RGS4: variants seen among roughly 807,000 people sequenced by gnomAD.
The protein encoded by RGS4 is regulator of G protein signaling 4, also known as schizophrenia disorder 9.
A neutral mutation model predicts 21.6 loss-of-function variants in RGS4; 15 were observed. The ratio of observed to expected loss-of-function variants is 0.69; its 90% confidence interval spans 0.46 to 1.07. The LOEUF (loss-of-function observed/expected upper bound fraction) is 1.07, where lower values mean the gene tolerates loss of function less well. Ranked by LOEUF, RGS4 falls within the 50% of genes least tolerant of loss-of-function variation. The probability of loss-of-function intolerance (pLI) is 0.00; values close to 1 mark genes in which losing one functional copy is unlikely to be tolerated. For missense variants in RGS4, 237 were observed against 239.0 expected, an observed-to-expected ratio of 0.99 and a Z score of 0.06; for synonymous variants, 94 against 85.5, an observed-to-expected ratio of 1.10 and a Z score of -0.55.
intron 1 of RGS4, chr1:163,072,173 G>T: frequency 1.8e-6 from 2 of 1,094,772 alleles, no homozygotes; most frequent in Non-Finnish European, 2.4e-6. Context: ...TTCCAGTTGT[G>T]GATGAAGGAA....
In RGS4 at chr1:163,073,692, T is replaced by C. The variant is rs924656138; in HGVS notation, c.378+70T>C. The C allele has an allele frequency of 7.1e-6, 7 of 990,848 alleles. No homozygotes were observed. In the African/African-American group the frequency reaches 8.3e-5, roughly 12 times the overall value. 61.4% of individuals were successfully genotyped at this position (990,848 alleles called of 1,614,324 possible). A position where few individuals can be genotyped will look rare whatever the true frequency, so the allele number is the denominator to read the frequency against. On this transcript the variant is annotated intron_variant, in intron 4 of 4. Coordinates refer to ENST00000367909, the MANE Select transcript of RGS4 (RefSeq NM_005613.6). ...TATGTGTGATATTTTGATACATGCA[T>C]ACAATGTGATAACAATCAAATCAGG... is the stretch of plus-strand genomic sequence containing the variant.
At chr1:163,073,853 A>C in intron 4 of RGS4, 1 of 449,306 alleles carries the variant, frequency 2.2e-6, no homozygotes, top group Non-Finnish European at 3.9e-6. Flanking sequence ...ATCAAACACT[A>C]GAACCTATTC....
At position 163,069,504 on chromosome 1, in the gene RGS4, G is replaced by A; in HGVS notation, c.20G>A (p.Gly7Asp). Residue 7 changes from glycine (G) to aspartate (D), a missense_variant, in exon 1 of 5, where the codon GGT becomes GAT. By Grantham distance (94) the Gly-to-Asp change is moderately conservative (BLOSUM62 -1). Coordinates refer to ENST00000367909, the MANE Select transcript of RGS4 (RefSeq NM_005613.6). MCKGLA[G>D]LPASCLRSAK... is the part of the protein sequence containing the mutation. The stretch of plus-strand genomic sequence containing the variant: ...AATAAGATGTGCAAAGGGCTTGCAG[G>A]TCTGCCGGCTTCTTGCTTGAGGAGG... 1 of 1,613,470 alleles carries A rather than the reference G, an allele frequency of 6.2e-7. No homozygotes were observed. Among genetic ancestry groups the A allele is most frequent in the Non-Finnish European group, 8.5e-7 (1 of 1,179,690 alleles).
intron 3 of RGS4, 60 bp downstream of exon 3, chr1:163,072,926 G>T: frequency 7.0e-7 from 1 of 1,425,724 alleles, no homozygotes; most frequent in Non-Finnish European, 9.8e-7. Context: ...TATTATGCTG[G>T]TCTAATAGAA....
chr1:163,072,041 C>A (rs1196718705), intron 1 of RGS4: 3 of 1,000,400 alleles, frequency 3.0e-6, no homozygotes, highest in African/African-American at 1.7e-5. Flanking sequence ...AAAAATTACT[C>A]AGAGATCACT....
At chr1:163,071,855 G>GCC (rs763643387) in intron 1 of RGS4, 99 of 1,820 alleles carry the variant, frequency 0.054, 1 homozygote, top group South Asian at 0.16. Context: ...GGAACTGCTT[G>GCC]CCCCCCCCCC....
chr1:163,068,884 G>A (rs1203470497), upstream of RGS4: 3 of 1,283,964 alleles, frequency 2.3e-6, no homozygotes, highest in African/African-American at 1.5e-5. Flanking sequence ...GCGTGGAGAC[G>A]ATGATCCTGC....
At chr1:163,073,298 A>G (rs10799897) in intron 3 of RGS4, among the ~76,000 whole-genome samples, 158 bp from the exon 4 acceptor site, 75,112 of 151,908 alleles carry the variant, frequency 0.49, 18,864 homozygotes, top group South Asian at 0.64. Context: ...AACACAGATT[A>G]GGGTTACCTG....
At chr1:163,069,045 G>T, upstream of RGS4, 1 of 1,558,074 alleles carries the variant, frequency 6.4e-7, no homozygotes, top group South Asian at 1.2e-5. Flanking sequence ...CAACTTCCTT[G>T]ATATTTTTTT....
At chr1:163,071,868 C>CCCCCCCCCCCCCCCCCCCCCCCCCA (rs1401850389) in intron 1 of RGS4, 1 of 51,544 alleles carries the variant, frequency 1.9e-5, no homozygotes, top group Non-Finnish European at 5.5e-5. Context: ...CCCCCCCCCC[C>CCCCCCCCCCCCCCCCCCCCCCCCCA]CCCCCAACAT....
rs1031565519 is a variant in RGS4, at chr1:163,075,235, G to A, written c.*675G>A. ...TGTTCTTTCATACTACATTTGAACA[G>A]GGCAAAATGAACTAACTGCCATGTA... On this transcript the variant is annotated 3_prime_UTR_variant, in exon 5 of 5. Coordinates refer to ENST00000367909, the MANE Select transcript of RGS4 (RefSeq NM_005613.6). The A allele has an allele frequency of 1.3e-5, 2 of 152,788 alleles. No homozygotes were observed. The highest frequency in any genetic ancestry group is 6.5e-5 in the Admixed American group (1 of 15,350). 9.5% of individuals were successfully genotyped at this position (152,788 alleles called of 1,614,324 possible). A position where few individuals can be genotyped will look rare whatever the true frequency, so the allele number is the denominator to read the frequency against.
Position 163,069,422 on chromosome 1 carries a change from C to T in RGS4, c.-63C>T, listed in dbSNP as rs759172375. The T allele has an allele frequency of 1.2e-6, 2 of 1,610,704 alleles. No homozygotes were observed. The highest frequency in any genetic ancestry group is 2.2e-5 in the East Asian group (1 of 44,578). The stretch of plus-strand genomic sequence containing the variant: ...AGAAGAGGCAAAGTACGCTCAAAGC[C>T]GAAGCCACAGCTCCTCCTGCCGCAT... On this transcript the variant is annotated 5_prime_UTR_variant, in exon 1 of 5. Coordinates refer to ENST00000367909, the MANE Select transcript of RGS4 (RefSeq NM_005613.6).
intron 1 of RGS4, among the ~76,000 whole-genome samples, chr1:163,069,995 G>A (rs558230543): frequency 3.9e-5 from 6 of 152,238 alleles, no homozygotes; most frequent in African/African-American, 1.2e-4. Context: ...TATGCTTTCC[G>A]TGTGGTGGTG....
rs200420969 is a variant in RGS4, at chr1:163,073,824, T to G, written c.378+202T>G. On this transcript the variant is annotated intron_variant, in intron 4 of 4. Transcript: ENST00000367909. ...AAATATACAATAAACTATTGATAAC[T>G]ATATCACCCTAATGTGCTATCAAAC... The G allele has an allele frequency of 5.2e-5, 26 of 504,796 alleles. No homozygotes were observed. The East Asian group carries it at 7.9e-4, about 15-fold the overall frequency. 31.3% of individuals were successfully genotyped at this position (504,796 alleles called of 1,614,324 possible).
chr1:163,072,267 T>C, intron 1 of RGS4, 128 bp from the exon 2 acceptor site: 1 of 880,748 alleles, frequency 1.1e-6, no homozygotes, highest in Non-Finnish European at 1.7e-6. Flanking sequence ...TCATGCCAAC[T>C]CCAACTCCCG....
chr1:163,072,781 T>G (rs1272352517), intron 2 of RGS4, 24 bp from the exon 3 acceptor site: 1 of 1,603,434 alleles, frequency 6.2e-7, no homozygotes, highest in Non-Finnish European at 8.5e-7. Context: ...TTCCAATTAT[T>G]CTGTTTCTCT....
At chr1:163,069,698 T>C (rs971904920) in intron 1 of RGS4, among the ~76,000 whole-genome samples, 170 bp downstream of exon 1, 1 of 152,188 alleles carries the variant, frequency 6.6e-6, no homozygotes, top group Non-Finnish European at 1.5e-5. Flanking sequence ...ACTTAAGACA[T>C]GTGCTCCCCA....
At chr1:163,070,066 A>T (rs1187556031) in intron 1 of RGS4, among the ~76,000 whole-genome samples, 1 of 152,172 alleles carries the variant, frequency 6.6e-6, no homozygotes, top group Non-Finnish European at 1.5e-5. Context: ...TGAGTTTTAA[A>T]GCCAGATCTT....
intron 2 of RGS4, 140 bp downstream of exon 2, chr1:163,072,639 C>A: frequency 1.2e-6 from 1 of 833,684 alleles, no homozygotes; most frequent in Non-Finnish European, 1.9e-6. Context: ...ATCATAACTA[C>A]ATTTGAAATT....
Sources: gnomAD v4.1 joint callset for allele counts (sites outside exome capture counted in the v4.1 genomes callset) on GRCh38, gnomAD v4.1.1 for gene constraint, MANE v1.5 for transcripts, NCBI Gene and HGNC (gene_info 2026-07-23, HGNC 2026-07-21) for gene names.